Variants in RFX6 observed in about 807,000 individuals in gnomAD.
The protein encoded by RFX6 is DNA-binding protein RFX6.
In RFX6, 50 loss-of-function variants were observed where a neutral mutation model predicts 110.8. The ratio of observed to expected loss-of-function variants is 0.45; its 90% CI spans 0.36 to 0.57. The LOEUF is 0.57. Among genes scored for constraint, RFX6 ranks in the 20% least tolerant of loss-of-function variants. The pLI, the probability that RFX6 is intolerant of heterozygous loss-of-function variation, is 0.00. For synonymous variants in RFX6, 383 were observed against 411.2 expected (o/e 0.93, Z 0.83); for missense variants, 990 against 1,127.0 (o/e 0.88, Z 1.74).
Position 116,877,904 on chromosome 6 carries a change from C to G in RFX6, c.332C>G (p.Thr111Arg). ...DQYLSQKKTI[T>R]QIVKDKKKQT... ...TACCTGTCTCAGAAGAAAACCATCA[C>G]GCAGATTGTGAAGGATAAAAAGAAG... Residue 111 changes from threonine (T) to arginine (R), a missense_variant, in exon 2 of 19, where the codon ACG (threonine) becomes AGG (arginine). By Grantham distance (71) the Thr-to-Arg change is moderately conservative. This residue lies in a region of RFX6 where 175 missense variants were observed against 162.3 expected (regional missense o/e 1.08). Transcript: ENST00000332958. 6.2e-7 allele frequency: 1 copy of G among 1,614,150 alleles called. No homozygotes were observed. The highest frequency in any genetic ancestry group is 8.5e-7 in the Non-Finnish European group (1 of 1,180,006).
At chr6:116,910,882 T>C in intron 6 of RFX6, 53 bp from the exon 7 acceptor site, 2 of 1,160,120 alleles carry the variant, frequency 1.7e-6, no homozygotes, top group Non-Finnish European at 2.6e-6. Context: ...AATAGTACTT[T>C]GGAAGCATAT....
Position 116,908,669 on chromosome 6 carries a change from TACACACACACACACACACAG to T in RFX6, c.673-2246_673-2227del, listed in dbSNP as rs1352551354. On this transcript the variant is annotated intron_variant, in intron 6 of 18. Coordinates refer to ENST00000332958, the MANE Select transcript of RFX6 (RefSeq NM_173560.4). ...ATTAAGTTTTCCTCTATTTCTAGCA[TACACACACACACACACACAG>T]ACACACACACACACACACACACACA... is the stretch of plus-strand genomic sequence containing the variant. 4.7e-4 allele frequency among the ~76,000 whole-genome samples: 48 copies of T among 102,384 alleles called. 1 individual carries two copies. Among genetic ancestry groups the T allele is most frequent in the Middle Eastern group, 4.3e-3 (1 of 232 alleles). 67.2% of individuals were successfully genotyped at this position (102,384 alleles called of 152,430 possible).
At chr6:116,878,972 A>G (rs1392750276) in intron 2 of RFX6, among the ~76,000 whole-genome samples, 1 of 151,960 alleles carries the variant, frequency 6.6e-6, no homozygotes, top group Non-Finnish European at 1.5e-5. Flanking sequence ...TGTCGTGGTT[A>G]CTAGTTAAGA....
In RFX6 at chr6:116,886,514, A is replaced by G. The variant is rs76504422; in HGVS notation, c.566+4086A>G. On this transcript the variant is annotated intron_variant, in intron 4 of 18. Coordinates refer to ENST00000332958, the MANE Select transcript of RFX6 (RefSeq NM_173560.4). ...CCCAAAGTTTGGAAAACACTAATCT[A>G]TGTGACAAAGAGATGATTAGTAGGG... Among the ~76,000 whole-genome samples the G allele has an allele frequency of 2.0e-3, 305 of 152,324 alleles. 7 individuals carry two copies. The East Asian group carries it at 0.048, about 24-fold the overall frequency.
intron 17 of RFX6, among the ~76,000 whole-genome samples, chr6:116,927,983 A>G (rs572651225): frequency 1.3e-4 from 20 of 151,278 alleles, no homozygotes; most frequent in Non-Finnish European, 2.5e-4. Flanking sequence ...ACTTTAAGCA[A>G]TCCTCTCTCC....
intron 6 of RFX6, among the ~76,000 whole-genome samples, chr6:116,902,280 T>A (rs1043673115): frequency 6.6e-6 from 1 of 152,004 alleles, no homozygotes; most frequent in Admixed American, 6.6e-5. Context: ...GTCTCATGTC[T>A]TAATCAGGAT....
chr6:116,914,080 C>T (rs1775412759), intron 7 of RFX6, among the ~76,000 whole-genome samples: 1 of 152,054 alleles, frequency 6.6e-6, no homozygotes, highest in Non-Finnish European at 1.5e-5. Flanking sequence ...CATTATTTTC[C>T]TCTCCCCCTC....
Position 116,905,646 on chromosome 6 carries a change from G to A in RFX6, c.673-5289G>A, listed in dbSNP as rs138796648. Among the ~76,000 whole-genome samples, 444 of 150,886 alleles carry A rather than the reference G, an allele frequency of 2.9e-3. 1 individual carries two copies. The highest frequency in any genetic ancestry group is 9.9e-3 in the African/African-American group (406 of 41,070). On this transcript the variant is annotated intron_variant, in intron 6 of 18. Coordinates refer to ENST00000332958, the MANE Select transcript of RFX6 (RefSeq NM_173560.4). ...CGGCTCACTGCAACCTCTGCCTCCC[G>A]TGTTCAAGCATTCTCCTGCCTCAGC...
intron 6 of RFX6, among the ~76,000 whole-genome samples, chr6:116,908,354 T>A (rs1412517859): frequency 6.6e-6 from 1 of 152,134 alleles, no homozygotes; most frequent in African/African-American, 2.4e-5. Context: ...TCAGCAACTT[T>A]GCTAAAAAAA....
intron 17 of RFX6, 119 bp from the exon 18 acceptor site, chr6:116,928,640 C>A (rs1422406746): frequency 2.7e-6 from 2 of 738,436 alleles, no homozygotes; most frequent in East Asian, 5.2e-5. Context: ...TATAGATACA[C>A]ATGTAATACT....
Position 116,931,372 on chromosome 6 carries a change from T to C in RFX6, c.2653T>C (p.Cys885Arg). ...QTPIPSSSSQ[C>R]MYGTSNQYPA... ...CCCAATTCCTTCTTCCTCATCCCAA[T>C]GTATGTATGGAACTTCCAACCAGTA... Residue 885 changes from cysteine to arginine, a missense_variant, in exon 19 of 19, where the codon TGT (cysteine) becomes CGT (arginine). Cys to Arg is a radical substitution (Grantham distance 180, BLOSUM62 -3). This residue lies in a region of RFX6 where 438 missense variants were observed against 441.9 expected (regional missense o/e 0.99). Transcript: ENST00000332958. 1 of 1,613,304 alleles carries C rather than the reference T, an allele frequency of 6.2e-7. No individual in the cohort carries two copies. Among genetic ancestry groups the C allele is most frequent in the Non-Finnish European group, 8.5e-7 (1 of 1,179,302 alleles).
intron 6 of RFX6, among the ~76,000 whole-genome samples, chr6:116,903,721 T>G (rs1775128662): frequency 6.6e-6 from 1 of 152,112 alleles, no homozygotes; most frequent in South Asian, 2.1e-4. Context: ...TCCCTGTGAC[T>G]TTCTGTTTTC....
At chr6:116,922,299 G>A (rs561410616) in intron 13 of RFX6, 148 bp downstream of exon 13, 4 of 651,532 alleles carry the variant, frequency 6.1e-6, no homozygotes, top group Middle Eastern at 3.1e-4. Context: ...AATAAGGCAG[G>A]CCAAATACTG....
intron 12 of RFX6, among the ~76,000 whole-genome samples, chr6:116,920,709 T>A (rs1484290830): frequency 1.3e-5 from 2 of 152,100 alleles, no homozygotes; most frequent in Non-Finnish European, 2.9e-5. Context: ...TATAAAAATA[T>A]TTTTAATTAA....
intron 6 of RFX6, among the ~76,000 whole-genome samples, chr6:116,904,914 T>C (rs1265483693): frequency 6.6e-6 from 1 of 152,204 alleles, no homozygotes; most frequent in Non-Finnish European, 1.5e-5. Context: ...TGCTAATCCA[T>C]TCATCTGTCG....
In RFX6 at chr6:116,931,521, AGG is replaced by A; in HGVS notation, c.*19_*20del. The A allele has an allele frequency of 6.3e-7, 1 of 1,597,534 alleles. No individual in the cohort carries two copies. The highest frequency in any genetic ancestry group is 2.2e-5 in the East Asian group (1 of 44,700). On this transcript the variant is annotated 3_prime_UTR_variant, in exon 19 of 19. Transcript: ENST00000332958. ...GAGGCACTTAAACCACCAATGTGGGAGGGGGTGCTAAAACTTTAAAAAAAATC... is the reference window on the plus strand; with the variant it reads ...GAGGCACTTAAACCACCAATGTGGGAGGGTGCTAAAACTTTAAAAAAAATC...
At chr6:116,885,491 T>G (rs981834972) in intron 4 of RFX6, among the ~76,000 whole-genome samples, 6 of 152,200 alleles carry the variant, frequency 3.9e-5, no homozygotes, top group Admixed American at 3.9e-4. Context: ...GGAATTACTG[T>G]ATTACAAATG....
At position 116,916,031 on chromosome 6, in the gene RFX6, C is replaced by A. The variant is rs79514672; in HGVS notation, c.804C>A (p.Tyr268Ter). ...AGGTTGATACGCTCATAATGATGTA[C>A]AAAACTCACTGCCAGTGTATCCTGG... is the stretch of plus-strand genomic sequence containing the variant. ...KDKVDTLIMM[Y>*]KTHCQCILDN... The change falls in exon 8 of 19, where the codon TAC becomes TAA. Residue 268 changes from tyrosine (Y) to a stop codon, truncating the protein, a stop_gained. Coordinates refer to ENST00000332958, the MANE Select transcript of RFX6 (RefSeq NM_173560.4). LOFTEE classifies it high-confidence loss of function. 2 of 1,611,466 alleles carry A rather than the reference C, an allele frequency of 1.2e-6. No individual in the cohort carries two copies. Among genetic ancestry groups the A allele is most frequent in the Non-Finnish European group, 1.7e-6 (2 of 1,177,972 alleles).
chr6:116,877,802 A>C lies in RFX6; in HGVS notation c.230A>C (p.His77Pro), dbSNP rs753127875. Reference protein sequence around the residue: ...ELPGAVKSEMHLNNGNFSSEE... With the variant: ...ELPGAVKSEMPLNNGNFSSEE... ...CCCTTCAACTGGCAATCAGAAATGC[A>C]CTTAAACAATGGTAACTTTTCCTCT... The change falls in exon 2 of 19, where the codon CAC (histidine) becomes CCC (proline). Residue 77 changes from histidine to proline, a missense_variant. His to Pro is a moderately conservative substitution (Grantham distance 77, BLOSUM62 -2). Coordinates refer to ENST00000332958, the MANE Select transcript of RFX6 (RefSeq NM_173560.4). 6.2e-7 allele frequency: 1 copy of C among 1,613,896 alleles called. No homozygotes were observed. The highest frequency in any genetic ancestry group is 1.1e-5 in the South Asian group (1 of 91,076).
Sources: gnomAD v4.1 joint callset for allele counts (sites outside exome capture counted in the v4.1 genomes callset) on GRCh38, gnomAD v4.1.1 for gene constraint, gnomAD v4.1.1 regional missense constraint, MANE v1.5 for transcripts, NCBI Gene and HGNC (gene_info 2026-07-23, HGNC 2026-07-21) for gene names.